Variants in XRRA1 observed in about 807,000 individuals in gnomAD.
XRRA1 encodes the protein X-ray radiation resistance associated 1.
XRRA1 carries 69 observed loss-of-function variants against 80.2 expected under a neutral mutation model. The ratio of observed to expected loss-of-function variants is 0.86; its 90% CI spans 0.71 to 1.05. The LOEUF (loss-of-function observed/expected upper bound fraction) is 1.05, where lower values mean the gene tolerates loss of function less well. Ranked by LOEUF, XRRA1 falls within the 50% of genes least tolerant of loss-of-function variation. The probability of loss-of-function intolerance (pLI) is 0.00; values close to 1 mark genes in which losing one functional copy is unlikely to be tolerated. For synonymous variants in XRRA1, 348 were observed against 389.9 expected (o/e 0.89, Z 1.27); for missense variants, 967 against 976.4 (o/e 0.99, Z 0.13).
intron 12 of XRRA1, among the ~76,000 whole-genome samples, chr11:74,852,708 T>A (rs906002896): frequency 1.3e-5 from 2 of 152,232 alleles, no homozygotes; most frequent in African/African-American, 4.8e-5. Context: ...GGTGGCTTAT[T>A]GGCCAAGCCA....
In XRRA1 at chr11:74,922,414, C is replaced by T. The variant is rs539767227; in HGVS notation, c.523-1067G>A. Among the ~76,000 whole-genome samples the T allele has an allele frequency of 1.1e-4, 16 of 152,186 alleles. No homozygotes were observed. In the East Asian group the frequency reaches 2.3e-3, roughly 22 times the overall value. ...GGGGCCAAGGGGTCAGTCAGAAAAC[C>T]GTGTTTCTCTGCAGAGACAAAGACA... On this transcript the variant is annotated intron_variant, in intron 7 of 18. Transcript: ENST00000684022.
chr11:74,927,619 C>A, intron 6 of XRRA1, 131 bp from the exon 7 acceptor site: 1 of 517,580 alleles, frequency 1.9e-6, no homozygotes. Flanking sequence ...CATACATGGC[C>A]TCTAAATCTC....
chr11:74,934,640 G>A (rs1944480214), intron 4 of XRRA1, among the ~76,000 whole-genome samples: 1 of 152,158 alleles, frequency 6.6e-6, no homozygotes, highest in Admixed American at 6.5e-5. Context: ...TCATGAAAGT[G>A]GGTAGTAGGG....
chr11:74,941,493 C>T (rs1312873632), intron 2 of XRRA1, among the ~76,000 whole-genome samples: 1 of 152,056 alleles, frequency 6.6e-6, no homozygotes, highest in African/African-American at 2.4e-5. Flanking sequence ...AGTAAAGAAA[C>T]AATGTGACCC....
In XRRA1 at chr11:74,848,135, C is replaced by T; in HGVS notation, c.1708G>A (p.Glu570Lys). 1 of 1,611,160 alleles carries T rather than the reference C, an allele frequency of 6.2e-7. No individual in the cohort carries two copies. The highest frequency in any genetic ancestry group is 8.5e-7 in the Non-Finnish European group (1 of 1,179,666). Reference sequence around the variant, plus strand: ...GGTACCTGGGTCAGGAAGATGGACTCTGTGCTCTTGGAGTCCTCATCTGAT... The same window carrying T: ...GGTACCTGGGTCAGGAAGATGGACTTTGTGCTCTTGGAGTCCTCATCTGAT... ...RPSDEDSKST[E>K]SIFLTQVSEL... Residue 570 changes from glutamate to lysine, a missense_variant, in exon 15 of 19, where the codon GAG becomes AAG. Glu to Lys is a moderately conservative substitution (Grantham distance 56, BLOSUM62 1). Transcript: ENST00000684022.
chr11:74,862,452 A>G (rs1264509433), intron 11 of XRRA1, among the ~76,000 whole-genome samples: 3 of 152,228 alleles, frequency 2.0e-5, no homozygotes, highest in Admixed American at 6.5e-5. Context: ...AAATGAATAA[A>G]TCAATATTTG....
rs80106129 is a variant in XRRA1, at chr11:74,937,314, G to C, written c.95-246C>G. Among the ~76,000 whole-genome samples, 921 of 152,202 alleles carry C rather than the reference G, an allele frequency of 6.1e-3. 5 individuals carry two copies. The highest frequency in any genetic ancestry group is 0.011 in the Non-Finnish European group (729 of 68,002). ...ACATGAAAAGGCTGCGACAAAAGGA[G>C]GTGGAATGACTTGCCGAATTCCTTC... On this transcript the variant is annotated intron_variant, in intron 3 of 18. Coordinates refer to ENST00000684022, the MANE Select transcript of XRRA1 (RefSeq NM_001378157.1).
chr11:74,880,649 C>G (rs1590934822), intron 10 of XRRA1, among the ~76,000 whole-genome samples: 1 of 151,422 alleles, frequency 6.6e-6, no homozygotes, highest in Middle Eastern at 3.4e-3. Context: ...CCCAGAGATT[C>G]TGGTATGTTG....
Position 74,915,346 on chromosome 11 carries a change from T to C in XRRA1, c.656+5868A>G, listed in dbSNP as rs935596725. Among the ~76,000 whole-genome samples the C allele has an allele frequency of 2.0e-5, 3 of 152,226 alleles. No homozygotes were observed. The East Asian group carries it at 5.8e-4, about 29-fold the overall frequency. ...GTGTGAAGACCGTGTCTCATATGAC[T>C]GTTTCCCCAAGACAATCCCCTGTGG... is the stretch of plus-strand genomic sequence containing the variant. On this transcript the variant is annotated intron_variant, in intron 8 of 18. Coordinates refer to ENST00000684022, the MANE Select transcript of XRRA1 (RefSeq NM_001378157.1).
At chr11:74,934,368 A>G (rs553000360) in intron 4 of XRRA1, among the ~76,000 whole-genome samples, 3 of 152,262 alleles carry the variant, frequency 2.0e-5, no homozygotes, top group East Asian at 3.9e-4. Flanking sequence ...TTAATCATTT[A>G]TTTATGGTAC....
chr11:74,850,749 T>C (rs2135533493), intron 14 of XRRA1: 1 of 161,584 alleles, frequency 6.2e-6, no homozygotes, highest in Admixed American at 6.1e-5. Context: ...TCACCCAGGC[T>C]GGTCTCAAAC....
At chr11:74,880,030 A>C (rs2047120838) in intron 10 of XRRA1, among the ~76,000 whole-genome samples, 1 of 152,132 alleles carries the variant, frequency 6.6e-6, no homozygotes, top group East Asian at 1.9e-4. Context: ...GAATAGTTTC[A>C]GAAGGAATGG....
At chr11:74,883,350 A>G (rs983919966) in intron 10 of XRRA1, among the ~76,000 whole-genome samples, 2 of 152,138 alleles carry the variant, frequency 1.3e-5, no homozygotes, top group Admixed American at 6.5e-5. Context: ...AAGTGAGGCA[A>G]TGCCTCGCCC....
rs572505468 is a variant in XRRA1, at chr11:74,891,321, G to T, written c.1003+14918C>A. ...CAAAAACCATATGATTATCTCAATA[G>T]ATGCAGAAAAGGCCTTTGACAAAAT... On this transcript the variant is annotated intron_variant, in intron 10 of 18. Coordinates refer to ENST00000684022, the MANE Select transcript of XRRA1 (RefSeq NM_001378157.1). Among the ~76,000 whole-genome samples, 4 of 152,294 alleles carry T rather than the reference G, an allele frequency of 2.6e-5. No individual in the cohort carries two copies. The South Asian group carries it at 8.3e-4, about 32-fold the overall frequency.
intron 10 of XRRA1, among the ~76,000 whole-genome samples, chr11:74,891,224 C>G (rs150637441): frequency 0.015 from 2,247 of 152,292 alleles, 52 homozygotes; most frequent in African/African-American, 0.051. Flanking sequence ...TGGGCTTCAT[C>G]CCTGGGATGC....
chr11:74,854,700 C>G (rs1301228972), intron 12 of XRRA1, among the ~76,000 whole-genome samples: 1 of 152,098 alleles, frequency 6.6e-6, no homozygotes, highest in African/African-American at 2.4e-5. Flanking sequence ...GGCCCATGAT[C>G]CATTTACTAA....
At chr11:74,878,364 C>T (rs2046594579) in intron 10 of XRRA1, among the ~76,000 whole-genome samples, 3 of 151,614 alleles carry the variant, frequency 2.0e-5, no homozygotes, top group Admixed American at 2.0e-4. Context: ...TGGATATTAG[C>T]CCTTTGTCAG....
intron 10 of XRRA1, among the ~76,000 whole-genome samples, chr11:74,888,161 G>T (rs1246397200): frequency 6.6e-6 from 1 of 152,200 alleles, no homozygotes; most frequent in African/African-American, 2.4e-5. Flanking sequence ...GCCTAACTGG[G>T]AGGCACCCCC....
At chr11:74,899,879 G>T (rs1394436892) in intron 10 of XRRA1, among the ~76,000 whole-genome samples, 2 of 152,076 alleles carry the variant, frequency 1.3e-5, no homozygotes, top group Non-Finnish European at 2.9e-5. Context: ...AAGGAGGAGG[G>T]AATACTTCCA....
Sources: gnomAD v4.1 joint callset for allele counts (sites outside exome capture counted in the v4.1 genomes callset) on GRCh38, gnomAD v4.1.1 for gene constraint, MANE v1.5 for transcripts, NCBI Gene and HGNC (gene_info 2026-07-23, HGNC 2026-07-21) for gene names.